The following POMGNT1 variants were observed in gnomAD, a reference collection of about 807,000 sequenced individuals.
POMGNT1 encodes protein O-linked-mannose beta-1,2-N-acetylglucosaminyltransferase 1.
In POMGNT1, 67 loss-of-function variants were observed where a neutral mutation model predicts 95.6. The observed-to-expected ratio is 0.70, with a 90% confidence interval of 0.58 to 0.86. POMGNT1 has a LOEUF of 0.86. POMGNT1 is among the 40% of genes least tolerant of loss of function. The pLI is 0.00. For synonymous variants in POMGNT1, 298 were observed against 317.9 expected (o/e 0.94, Z 0.66); for missense variants, 719 against 855.2 (o/e 0.84, Z 1.99).
At chr1:46,198,554 C>T (rs1658427118), upstream of POMGNT1, 3 of 168,900 alleles carry the variant, frequency 1.8e-5, no homozygotes, top group Admixed American at 1.2e-4. Context: ...GCGGCAGCGG[C>T]GTCGGGGTGT....
intron 1 of POMGNT1, among the ~76,000 whole-genome samples, chr1:46,219,210 G>C (rs964163127): frequency 6.6e-6 from 1 of 151,710 alleles, no homozygotes; most frequent in Non-Finnish European, 1.5e-5. Context: ...CAGGAGAATC[G>C]CTTGAACCCA....
chr1:46,203,523 G>A, intron 1 of POMGNT1: 1 of 1,564,474 alleles, frequency 6.4e-7, no homozygotes, highest in Non-Finnish European at 8.6e-7. Flanking sequence ...CGGGCTGCGA[G>A]GCGAGTGTGA....
Position 46,215,030 on chromosome 1 carries a change from T to A in POMGNT1, c.-51+4675A>T, listed in dbSNP as rs1318548389. Among the ~76,000 whole-genome samples, 5 of 151,864 alleles carry A rather than the reference T, an allele frequency of 3.3e-5. No homozygotes were observed. The East Asian group carries it at 7.8e-4, about 24-fold the overall frequency. On this transcript the variant is annotated intron_variant, in intron 1 of 22. Coordinates refer to the POMGNT1 transcript ENST00000371992. ...TCACAAGGTCAGGAGATTGAAACCA[T>A]CCTGGCTAACATGGTGAAACCCTGT...
At chr1:46,194,001 A>G in intron 9 of POMGNT1, 76 bp from the exon 10 acceptor site, 1 of 1,588,150 alleles carries the variant, frequency 6.3e-7, no homozygotes, top group East Asian at 2.3e-5. Flanking sequence ...AAGACTTCTC[A>G]GGTGAGGGTA....
intron 17 of POMGNT1, 155 bp downstream of exon 17, chr1:46,191,943 C>T: frequency 7.8e-7 from 1 of 1,283,764 alleles, no homozygotes; most frequent in African/African-American, 1.5e-5. Context: ...CCTTTATCCT[C>T]ATTTTTCAGA....
At chr1:46,203,599 A>C in intron 1 of POMGNT1, 1 of 1,596,180 alleles carries the variant, frequency 6.3e-7, no homozygotes, top group Non-Finnish European at 8.5e-7. Flanking sequence ...TTGGGGGACA[A>C]GATCATGGCG....
upstream of POMGNT1, among the ~76,000 whole-genome samples, chr1:46,201,400 T>C (rs370034835): frequency 3.3e-5 from 5 of 151,590 alleles, no homozygotes; most frequent in South Asian, 1.0e-3. Flanking sequence ...AAAAGAGTGA[T>C]AGAAATATGT....
chr1:46,192,275 A>G (rs1353330028), intron 16 of POMGNT1, 33 bp downstream of exon 16: 1 of 1,613,840 alleles, frequency 6.2e-7, no homozygotes, highest in East Asian at 2.2e-5. Flanking sequence ...TTGGTAGGGG[A>G]CTCCAGCCCC....
At chr1:46,202,675 C>T (rs139807550), upstream of POMGNT1, among the ~76,000 whole-genome samples, 4 of 113,546 alleles carry the variant, frequency 3.5e-5, no homozygotes, top group East Asian at 8.6e-4. Context: ...ACATCCTGGG[C>T]GACAGAGCGA....
At chr1:46,190,102 T>A in intron 19 of POMGNT1, 113 bp from the exon 20 acceptor site, 1 of 1,215,456 alleles carries the variant, frequency 8.2e-7, no homozygotes, top group Non-Finnish European at 1.1e-6. Flanking sequence ...AAGTTCTTTT[T>A]TTTTTTTTTT....
In POMGNT1 at chr1:46,192,831, T is replaced by C. The variant is rs920468069; in HGVS notation, c.1211+69A>G. On this transcript the variant is annotated intron_variant, in intron 14 of 21. Coordinates refer to ENST00000371984, the MANE Select transcript of POMGNT1 (RefSeq NM_017739.4). ...AGCTCATGTCCTCCAGAAAGCTCTC[T>C]AGGACACCTCACTGACTCTTTCCCT... 9 of 1,604,770 alleles carry C rather than the reference T, an allele frequency of 5.6e-6. No individual in the cohort carries two copies. The Middle Eastern group carries it at 6.6e-4, about 118-fold the overall frequency.
At chr1:46,220,288 A>T (rs1659201056) in exon 1 of POMGNT1, 1 of 1,481,044 alleles carries the variant, frequency 6.8e-7, no homozygotes, top group African/African-American at 1.4e-5. Flanking sequence ...CCCAAAATTG[A>T]TTCTCCCTCA....
chr1:46,197,801 G>A lies in POMGNT1; in HGVS notation c.21C>T (p.Ser7=), dbSNP rs769804402. The A allele has an allele frequency of 1.2e-6, 2 of 1,614,038 alleles. No individual in the cohort carries two copies. The highest frequency in any genetic ancestry group is 2.7e-5 in the African/African-American group (2 of 74,934). MDDWKP[S]PLIKPFGARK... ...GAGCCCCAAAGGGCTTGATGAGGGG[G>A]CTGGGCTTCCAGTCGTCCATACCGG... The change falls in exon 2 of 22, where the codon AGC becomes AGT. Residue 7 remains serine, a synonymous_variant. Coordinates refer to ENST00000371984, the MANE Select transcript of POMGNT1 (RefSeq NM_017739.4).
chr1:46,190,097 C>CT lies in POMGNT1; in HGVS notation c.1650-109dup, dbSNP rs946195454. On this transcript the variant is annotated intron_variant, in intron 19 of 21. Coordinates refer to ENST00000371984, the MANE Select transcript of POMGNT1 (RefSeq NM_017739.4). ...GCTCTGCTGTTGCCACCTTGAAGTT[C>CT]TTTTTTTTTTTTTTTTTTTGAGATG... 105,322 of 796,746 alleles carry CT rather than the reference C, an allele frequency of 0.13. 1,135 individuals are homozygous for CT. The highest frequency in any genetic ancestry group is 0.16 in the South Asian group (7,857 of 49,252). The allele number at this position is 796,746 out of a possible 1,614,324, so 49.4% of individuals were successfully genotyped here. A position where few individuals can be genotyped will look rare whatever the true frequency, so the allele number is the denominator to read the frequency against.
rs1658352532 is a variant in POMGNT1, at chr1:46,197,688, G to A, written c.120+14C>T. 6.2e-7 allele frequency: 1 copy of A among 1,613,980 alleles called. No homozygotes were observed. The highest frequency in any genetic ancestry group is 8.5e-7 in the Non-Finnish European group (1 of 1,179,948). ...GGGAGCGCTCGGTGGGGAGGGTTTG[G>A]GACATCTCTATACCTGACAGAATCT... On this transcript the variant is annotated intron_variant, in intron 2 of 21. Transcript: ENST00000371984.
intron 14 of POMGNT1, 134 bp downstream of exon 14, chr1:46,192,766 C>T: frequency 6.3e-7 from 1 of 1,581,666 alleles, no homozygotes; most frequent in Non-Finnish European, 8.7e-7. Flanking sequence ...GCCCCAACAC[C>T]TGCCATCCTA....
intron 17 of POMGNT1, chr1:46,191,151 G>A: frequency 2.9e-6 from 1 of 344,026 alleles, no homozygotes; most frequent in South Asian, 2.4e-5. Context: ...GGGCTGGGAA[G>A]GAAAAAACTA....
upstream of POMGNT1, among the ~76,000 whole-genome samples, chr1:46,201,683 G>A (rs1658536094): frequency 7.3e-6 from 1 of 137,556 alleles, no homozygotes; most frequent in Non-Finnish European, 1.5e-5. Flanking sequence ...GGGCGACAGA[G>A]TGAGACTCCA....
chr1:46,190,367 A>G, intron 19 of POMGNT1, 106 bp downstream of exon 19: 6 of 1,408,842 alleles, frequency 4.3e-6, no homozygotes, highest in Non-Finnish European at 6.0e-6. Flanking sequence ...GTTTGAGATG[A>G]GGGCCCTGAT....
Sources: allele counts gnomAD v4.1 joint callset (sites outside exome capture counted in the v4.1 genomes callset), GRCh38; gene constraint gnomAD v4.1.1; transcripts MANE v1.5; gene names NCBI Gene and HGNC (gene_info 2026-07-23, HGNC 2026-07-21).